Variants in NTRK2 observed in about 807,000 individuals in gnomAD.
NTRK2 encodes the protein neurotrophic receptor tyrosine kinase 2.
In NTRK2, 13 loss-of-function variants were observed where a neutral mutation model predicts 94.5. That is an observed-to-expected ratio of 0.14 (90% CI 0.09 to 0.22). NTRK2 has a LOEUF of 0.22. Among genes scored for constraint, NTRK2 ranks in the 10% least tolerant of loss-of-function variants. NTRK2 has a pLI of 1.00. For synonymous variants in NTRK2, 372 were observed against 407.4 expected (o/e 0.91, Z 1.05); for missense variants, 639 against 1,071.2 (o/e 0.60, Z 5.63).
At chr9:84,870,331 G>GTACATATATATATA (rs2075806419) in intron 14 of NTRK2, among the ~76,000 whole-genome samples, 1 of 31,176 alleles carries the variant, frequency 3.2e-5, no homozygotes, top group East Asian at 1.1e-3. Flanking sequence ...GTGTGTGTGT[G>GTACATATATATATA]TATATATATA....
chr9:84,727,792 G>C lies in NTRK2; in HGVS notation c.992G>C (p.Cys331Ser). ...GAILNESKYI[C>S]TKIHVTNHTE... Reference sequence around the variant, plus strand: ...ATATTGAATGAGTCCAAATACATCTGTACTAAAATACATGTTACCAATCAC... The same window carrying C: ...ATATTGAATGAGTCCAAATACATCTCTACTAAAATACATGTTACCAATCAC... The change falls in exon 9 of 19, where the codon TGT becomes TCT. Residue 331 changes from cysteine (C) to serine (S), a missense_variant. Transcript: ENST00000277120. 6.2e-7 allele frequency: 1 copy of C among 1,614,170 alleles called. No homozygotes were observed. The highest frequency in any genetic ancestry group is 8.5e-7 in the Non-Finnish European group (1 of 1,180,040).
chr9:84,797,375 C>T (rs1171552918), intron 12 of NTRK2, among the ~76,000 whole-genome samples: 1 of 150,252 alleles, frequency 6.7e-6, no homozygotes, highest in African/African-American at 2.5e-5. Context: ...TACTATTTGT[C>T]CCTTTGCAGA....
At chr9:84,969,669 A>G (rs1394500437) in intron 17 of NTRK2, among the ~76,000 whole-genome samples, 1 of 152,232 alleles carries the variant, frequency 6.6e-6, no homozygotes, top group East Asian at 1.9e-4. Context: ...ATCTATAACA[A>G]TAATAATGTG....
chr9:84,811,915 C>T lies in NTRK2; in HGVS notation c.1397-49125C>T, dbSNP rs145141036. The T allele has an allele frequency of 1.7e-3, 1,800 of 1,052,306 alleles. 22 individuals are homozygous for T. The African/African-American group carries it at 0.028, about 16-fold the overall frequency. 65.2% of individuals were successfully genotyped at this position (1,052,306 alleles called of 1,614,324 possible). ...GAGAGGTTTGGCTATCCCCACCCCA[C>T]CCCACCCCACCCTGTTCCTTTTTTA... On this transcript the variant is annotated intron_variant, in intron 12 of 18. Coordinates refer to ENST00000277120, the MANE Select transcript of NTRK2 (RefSeq NM_006180.6).
chr9:84,736,864 G>C lies in NTRK2; in HGVS notation c.1160-5028G>C, dbSNP rs1354963453. On this transcript the variant is annotated intron_variant, in intron 9 of 18. Coordinates refer to ENST00000277120, the MANE Select transcript of NTRK2 (RefSeq NM_006180.6). ...AGTGGTTCAGCCAGAAAGGAAACCA[G>C]ATATTGCAATGCCAATTTCAGGCGC... is the stretch of plus-strand genomic sequence containing the variant. Among the ~76,000 whole-genome samples the C allele has an allele frequency of 2.6e-5, 4 of 152,202 alleles. No individual in the cohort carries two copies. The East Asian group carries it at 7.7e-4, about 29-fold the overall frequency.
intron 17 of NTRK2, among the ~76,000 whole-genome samples, chr9:84,991,106 A>G (rs1160572021): frequency 6.6e-6 from 1 of 152,194 alleles, no homozygotes; most frequent in African/African-American, 2.4e-5. Flanking sequence ...ATTTATTAGG[A>G]AAGCTCACAC....
intron 12 of NTRK2, among the ~76,000 whole-genome samples, chr9:84,775,929 C>T (rs778072548): frequency 6.6e-6 from 1 of 152,250 alleles, no homozygotes; most frequent in East Asian, 1.9e-4. Flanking sequence ...ATCTAGAGTA[C>T]ACAAAAAACA....
chr9:84,724,309 A>G lies in NTRK2; in HGVS notation c.806A>G (p.Glu269Gly). The G allele has an allele frequency of 6.2e-7, 1 of 1,614,160 alleles. No individual in the cohort carries two copies. The highest frequency in any genetic ancestry group is 8.5e-7 in the Non-Finnish European group (1 of 1,179,994). ...GGGAAGCAGATCTCTTGTGTGGCGG[A>G]AAATCTTGTAGGAGAAGATCAAGAT... ...DSGKQISCVA[E>G]NLVGEDQDSV... The change falls in exon 8 of 19, where the codon GAA becomes GGA. Residue 269 changes from glutamate to glycine, a missense_variant. Around this residue, in one of 5 missense-constraint regions of NTRK2, gnomAD observed 343 missense variants for 571.5 expected, o/e 0.60. Coordinates refer to ENST00000277120, the MANE Select transcript of NTRK2 (RefSeq NM_006180.6).
Position 84,995,266 on chromosome 9 carries a change from A to C in NTRK2, c.2173-24940A>C, listed in dbSNP as rs147237505. 2.1e-3 allele frequency among the ~76,000 whole-genome samples: 322 copies of C among 152,278 alleles called. 4 individuals are homozygous for C. The highest frequency in any genetic ancestry group is 6.7e-3 in the African/African-American group (280 of 41,570). Reference sequence around the variant, plus strand: ...CACACTGTAGAGGACCGCACTTCCAAGAGTGACTACATACTGTTTTGCTTT... The same window carrying C: ...CACACTGTAGAGGACCGCACTTCCACGAGTGACTACATACTGTTTTGCTTT... On this transcript the variant is annotated intron_variant, in intron 17 of 18. Coordinates refer to ENST00000277120, the MANE Select transcript of NTRK2 (RefSeq NM_006180.6).
intron 2 of NTRK2, among the ~76,000 whole-genome samples, chr9:84,673,689 T>G (rs2058848489): frequency 6.6e-6 from 1 of 151,694 alleles, no homozygotes; most frequent in Non-Finnish European, 1.5e-5. Flanking sequence ...TAGGATCTTT[T>G]TGTTTTGTTT....
chr9:85,012,475 T>C (rs1157011247), intron 17 of NTRK2, among the ~76,000 whole-genome samples: 1 of 152,142 alleles, frequency 6.6e-6, no homozygotes, highest in Non-Finnish European at 1.5e-5. Context: ...CCTCCCCTCC[T>C]CTCAGTTCTA....
At chr9:84,962,983 G>T (rs562647307) in intron 17 of NTRK2, among the ~76,000 whole-genome samples, 2 of 152,198 alleles carry the variant, frequency 1.3e-5, no homozygotes, top group African/African-American at 4.8e-5. Flanking sequence ...GTTCAGAAGC[G>T]GGCAATTTCT....
At chr9:84,851,227 C>A (rs1452392985) in intron 12 of NTRK2, among the ~76,000 whole-genome samples, 2 of 152,108 alleles carry the variant, frequency 1.3e-5, no homozygotes, top group East Asian at 3.9e-4. Context: ...CCTAGGCAAT[C>A]AATTTTGATT....
chr9:84,968,567 G>A (rs1177920743), intron 17 of NTRK2, among the ~76,000 whole-genome samples: 2 of 152,144 alleles, frequency 1.3e-5, no homozygotes, highest in African/African-American at 4.8e-5. Context: ...GGTCATTCCT[G>A]AACCTGACTA....
chr9:84,861,104 C>G lies in NTRK2; in HGVS notation c.1444+17C>G, dbSNP rs771403068. ...AAGGTGTTGGTAAGTAGTTAACTCA[C>G]TCCTTCTTTGGATAAGTAATGAGTC... On this transcript the variant is annotated intron_variant, in intron 13 of 18. Transcript: ENST00000277120. 2 of 1,598,340 alleles carry G rather than the reference C, an allele frequency of 1.3e-6. No homozygotes were observed. The highest frequency in any genetic ancestry group is 1.7e-4 in the Middle Eastern group (1 of 6,040).
At chr9:84,896,797 C>T (rs1306825223) in intron 14 of NTRK2, among the ~76,000 whole-genome samples, 1 of 152,146 alleles carries the variant, frequency 6.6e-6, no homozygotes, top group African/African-American at 2.4e-5. Context: ...TGTTCTTCTG[C>T]CTCTCCCTAG....
In NTRK2 at chr9:84,710,653, C is replaced by G; in HGVS notation, c.445C>G (p.Pro149Ala). The G allele has an allele frequency of 6.2e-7, 1 of 1,614,102 alleles. No homozygotes were observed. The highest frequency in any genetic ancestry group is 8.5e-7 in the Non-Finnish European group (1 of 1,180,000). ...DLSELILVGN[P>A]FTCSCDIMWI... ...TCCCTGTAGGATCCTGGTGGGCAAT[C>G]CATTTACATGCTCCTGTGACATTAT... Residue 149 changes from proline (P) to alanine (A), a missense_variant, in exon 6 of 19, where the codon CCA becomes GCA. By Grantham distance (27) the Pro-to-Ala change is conservative. This residue lies in a region of NTRK2 where 206 missense variants were observed against 251.5 expected (regional missense o/e 0.82). Coordinates refer to ENST00000277120, the MANE Select transcript of NTRK2 (RefSeq NM_006180.6).
chr9:84,802,571 G>A (rs1009349235), intron 12 of NTRK2, among the ~76,000 whole-genome samples: 16 of 152,166 alleles, frequency 1.1e-4, no homozygotes, highest in African/African-American at 3.6e-4. Flanking sequence ...TGAGCTCTTT[G>A]AGCAAATAAA....
At chr9:84,811,650 C>A in intron 12 of NTRK2, 1 of 1,065,426 alleles carries the variant, frequency 9.4e-7, no homozygotes, top group African/African-American at 1.6e-5. Context: ...TACTGTCATA[C>A]TGCTGGGTTT....
Sources: gnomAD v4.1 joint callset for allele counts (sites outside exome capture counted in the v4.1 genomes callset) on GRCh38, gnomAD v4.1.1 for gene constraint, gnomAD v4.1.1 regional missense constraint, MANE v1.5 for transcripts, NCBI Gene and HGNC (gene_info 2026-07-23, HGNC 2026-07-21) for gene names.